Variants in AOPEP observed in about 807,000 individuals in gnomAD.
AOPEP encodes aminopeptidase O.
AOPEP carries 77 observed loss-of-function variants against 98.1 expected under a neutral mutation model. The ratio of observed to expected loss-of-function variants is 0.78; its 90% confidence interval spans 0.65 to 0.95. The LOEUF (loss-of-function observed/expected upper bound fraction) is 0.95. Among genes scored for constraint, AOPEP ranks in the 40% least tolerant of loss-of-function variants. The probability of loss-of-function intolerance (pLI) is 0.00; values close to 1 mark genes in which losing one functional copy is unlikely to be tolerated. For missense variants in AOPEP, 1,024 were observed against 1,024.7 expected (o/e 1.00, Z 0.01); for synonymous variants, 346 against 365.3 (o/e 0.95, Z 0.60).
chr9:94,960,012 A>C (rs1258802442), intron 9 of AOPEP, among the ~76,000 whole-genome samples: 1 of 152,238 alleles, frequency 6.6e-6, no homozygotes, highest in East Asian at 1.9e-4. Context: ...AGAATTTTTT[A>C]TGGTTAAGAA....
At chr9:95,076,698 A>C (rs2134161082) in intron 14 of AOPEP, among the ~76,000 whole-genome samples, 1 of 152,344 alleles carries the variant, frequency 6.6e-6, no homozygotes, top group Admixed American at 6.5e-5. Flanking sequence ...ACACTGGCCC[A>C]GTGGCCACCT....
chr9:95,124,213 C>T, the AOPEP span, among the ~76,000 whole-genome samples: 17 of 151,700 alleles, frequency 1.1e-4, no homozygotes, highest in Admixed American at 1.1e-3. Flanking sequence ...TGTAGTTCTC[C>T]TCTCGGAAGT....
At chr9:94,846,786 T>A (rs2042913804) in intron 5 of AOPEP, among the ~76,000 whole-genome samples, 1 of 152,152 alleles carries the variant, frequency 6.6e-6, no homozygotes, top group African/African-American at 2.4e-5. Flanking sequence ...GGTGTGTACA[T>A]GTGTTCTCAG....
chr9:94,806,936 C>T (rs1363428905), intron 5 of AOPEP, among the ~76,000 whole-genome samples: 1 of 152,190 alleles, frequency 6.6e-6, no homozygotes, highest in Non-Finnish European at 1.5e-5. Context: ...AAAATGGCCT[C>T]ATCTTGTGAT....
intron 3 of AOPEP, among the ~76,000 whole-genome samples, chr9:94,787,775 G>A (rs1021999568): frequency 6.6e-6 from 1 of 152,008 alleles, no homozygotes; most frequent in African/African-American, 2.4e-5. Context: ...TAATTCTGAT[G>A]GGTTTATTAT....
chr9:94,790,523 AG>A (rs1007494686), intron 3 of AOPEP, among the ~76,000 whole-genome samples: 13 of 152,170 alleles, frequency 8.5e-5, no homozygotes, highest in Non-Finnish European at 1.6e-4. Context: ...TTCCAGAAGC[AG>A]GGTGCAGCTT....
the AOPEP span, among the ~76,000 whole-genome samples, chr9:95,149,070 A>C: frequency 6.6e-6 from 1 of 152,206 alleles, no homozygotes; most frequent in Admixed American, 6.5e-5. Context: ...GCTTTTGTCA[A>C]ACATTTTTTT....
chr9:94,788,810 T>C (rs1845018958), intron 3 of AOPEP, among the ~76,000 whole-genome samples: 1 of 152,256 alleles, frequency 6.6e-6, no homozygotes, highest in Non-Finnish European at 1.5e-5. Flanking sequence ...TTCACTTGCC[T>C]TCAACTGTGC....
At chr9:95,004,420 C>T (rs1318916127) in intron 11 of AOPEP, 2 of 386,192 alleles carry the variant, frequency 5.2e-6, no homozygotes, top group African/African-American at 4.2e-5. Flanking sequence ...GGCTGGGTTT[C>T]TCTGCGCCCT....
intron 13 of AOPEP, among the ~76,000 whole-genome samples, chr9:95,035,866 G>C (rs2032503682): frequency 6.6e-6 from 1 of 151,548 alleles, no homozygotes; most frequent in Admixed American, 6.6e-5. Flanking sequence ...GGCCTTACTT[G>C]CTTGTCAGTA....
intron 10 of AOPEP, among the ~76,000 whole-genome samples, chr9:94,974,463 C>T (rs1340559735): frequency 6.6e-6 from 1 of 152,200 alleles, no homozygotes; most frequent in African/African-American, 2.4e-5. Flanking sequence ...TAAGATGCTT[C>T]GAACCTTTCC....
chr9:95,084,724 C>G (rs1285264866), intron 16 of AOPEP, among the ~76,000 whole-genome samples: 1 of 152,126 alleles, frequency 6.6e-6, no homozygotes, highest in Non-Finnish European at 1.5e-5. Context: ...TCCCCCTCCC[C>G]AGCATCTTCG....
intron 14 of AOPEP, among the ~76,000 whole-genome samples, chr9:95,074,035 G>A (rs1439082758): frequency 6.6e-6 from 1 of 152,098 alleles, no homozygotes; most frequent in East Asian, 1.9e-4. Flanking sequence ...ACTCTGCCCC[G>A]CACCATTTCC....
chr9:95,028,105 A>G (rs183913882), intron 13 of AOPEP, among the ~76,000 whole-genome samples: 2 of 152,346 alleles, frequency 1.3e-5, no homozygotes, highest in East Asian at 1.9e-4. Flanking sequence ...GAGGCATTCC[A>G]GTTCACACCT....
At chr9:95,128,283 T>A in the AOPEP span, among the ~76,000 whole-genome samples, 1 of 152,232 alleles carries the variant, frequency 6.6e-6, no homozygotes, top group Non-Finnish European at 1.5e-5. Flanking sequence ...CATCTAAGTT[T>A]GCCAGAGCAA....
chr9:94,973,693 G>A (rs1280025055), intron 10 of AOPEP, among the ~76,000 whole-genome samples: 3 of 152,330 alleles, frequency 2.0e-5, no homozygotes, highest in South Asian at 4.1e-4. Flanking sequence ...GTACTGAGGC[G>A]GAAAGTCCGC....
At chr9:95,013,294 C>CT (rs996894210) in intron 13 of AOPEP, among the ~76,000 whole-genome samples, 2 of 150,976 alleles carry the variant, frequency 1.3e-5, no homozygotes, top group East Asian at 1.9e-4. Context: ...TGATGTAATA[C>CT]TTTTTTTTTC....
At chr9:95,040,990 T>C (rs1446784299) in intron 13 of AOPEP, among the ~76,000 whole-genome samples, 1 of 151,018 alleles carries the variant, frequency 6.6e-6, no homozygotes, top group Admixed American at 6.6e-5. Context: ...CATAACATTG[T>C]GAACTTCAGA....
chr9:94,896,491 T>A (rs73657011), intron 5 of AOPEP, among the ~76,000 whole-genome samples: 1 of 152,272 alleles, frequency 6.6e-6, no homozygotes, highest in African/African-American at 2.4e-5. Context: ...TGGAGAAACC[T>A]GACAGACTGG....
Sources: gnomAD v4.1 joint callset for allele counts (sites outside exome capture counted in the v4.1 genomes callset) on GRCh38, gnomAD v4.1.1 for gene constraint, MANE v1.5 for transcripts, NCBI Gene and HGNC (gene_info 2026-07-23, HGNC 2026-07-21) for gene names.